RANBP3L: variants seen among roughly 807,000 people sequenced by gnomAD.
RANBP3L encodes the protein ran-binding protein 3-like.
A neutral mutation model predicts 67.2 loss-of-function variants in RANBP3L; 56 were observed. That is an observed-to-expected ratio of 0.83 (90% CI 0.67 to 1.04). The LOEUF (loss-of-function observed/expected upper bound fraction) is 1.04, where lower values mean the gene tolerates loss of function less well. Ranked by LOEUF, RANBP3L falls within the 50% of genes least tolerant of loss-of-function variation. The pLI, the probability that RANBP3L is intolerant of heterozygous loss-of-function variation, is 0.00. For synonymous variants in RANBP3L, 164 were observed against 181.4 expected (o/e 0.90, Z 0.77); for missense variants, 496 against 535.5 (o/e 0.93, Z 0.73).
At position 36,300,830 on chromosome 5, in the gene RANBP3L, C is replaced by T. The variant is rs117711939; in HGVS notation, c.91+496G>A. Among the ~76,000 whole-genome samples, 182 of 152,154 alleles carry T rather than the reference C, an allele frequency of 1.2e-3. 1 individual carries two copies. In the East Asian group the frequency reaches 0.031, roughly 26 times the overall value. On this transcript the variant is annotated intron_variant, in intron 1 of 13. Transcript: ENST00000296604. ...CAGCAAGTGAAATGTGACACTTTTC[C>T]CTGACTGTCTCCAGATGTCCCTGGA...
intron 1 of RANBP3L, among the ~76,000 whole-genome samples, chr5:36,272,470 C>T (rs992207354): frequency 6.6e-5 from 10 of 152,178 alleles, no homozygotes; most frequent in Non-Finnish European, 1.5e-4. Flanking sequence ...ACATATACAA[C>T]TTTTAAATGC....
At chr5:36,255,838 A>G (rs886775272) in intron 10 of RANBP3L, among the ~76,000 whole-genome samples, 1 of 152,008 alleles carries the variant, frequency 6.6e-6, no homozygotes, top group East Asian at 1.9e-4. Flanking sequence ...CCATCTACCA[A>G]TTTCCACCCC....
intron 1 of RANBP3L, among the ~76,000 whole-genome samples, chr5:36,287,812 T>C (rs753794006): frequency 6.6e-6 from 1 of 152,196 alleles, no homozygotes; most frequent in Non-Finnish European, 1.5e-5. Flanking sequence ...AAAATACCAC[T>C]ATTATTAAAG....
At chr5:36,265,977 CAA>C (rs10717173) in intron 4 of RANBP3L, among the ~76,000 whole-genome samples, 157 of 76,084 alleles carry the variant, frequency 2.1e-3, no homozygotes, top group Middle Eastern at 7.1e-3. Context: ...GACTCCATTT[CAA>C]AAAAAAAAAA....
intron 1 of RANBP3L, among the ~76,000 whole-genome samples, chr5:36,284,904 A>G (rs1751219513): frequency 6.6e-6 from 1 of 152,220 alleles, no homozygotes; most frequent in South Asian, 2.1e-4. Flanking sequence ...AAACAACTGA[A>G]CCACAAATTG....
rs980376610 is a variant in RANBP3L at position 36,265,502 on chromosome 5, A to C, written c.287T>G (p.Phe96Cys). The change falls in exon 5 of 14, where the codon TTT becomes TGT. Residue 96 changes from phenylalanine to cysteine, a missense_variant. Transcript: ENST00000296604. ...QSQGVRKNNV[F>C]MTSALVQSSV... ...ACTTTGCACAAGAGCTGATGTCATAAAAACATTGTTTTTCCTCACTGTAAG... is the reference window on the plus strand; with the variant it reads ...ACTTTGCACAAGAGCTGATGTCATACAAACATTGTTTTTCCTCACTGTAAG... 5 of 1,603,524 alleles carry C rather than the reference A, an allele frequency of 3.1e-6. No individual in the cohort carries two copies. The highest frequency in any genetic ancestry group is 4.3e-6 in the Non-Finnish European group (5 of 1,171,762).
chr5:36,293,729 C>G (rs997404334), intron 1 of RANBP3L, among the ~76,000 whole-genome samples: 5 of 149,058 alleles, frequency 3.4e-5, no homozygotes, highest in Non-Finnish European at 6.0e-5. Context: ...ATTGAACCAG[C>G]CTTGCATCCC....
intron 4 of RANBP3L, among the ~76,000 whole-genome samples, chr5:36,267,335 C>G (rs529387108): frequency 6.6e-6 from 1 of 151,998 alleles, no homozygotes; most frequent in Admixed American, 6.6e-5. Context: ...GGTGAAACCC[C>G]ATCTCTACTA....
intron 1 of RANBP3L, among the ~76,000 whole-genome samples, chr5:36,278,614 G>A (rs1366376165): frequency 6.6e-6 from 1 of 152,134 alleles, no homozygotes; most frequent in African/African-American, 2.4e-5. Context: ...CCTGTGGGAT[G>A]TTCTGAGTAA....
At chr5:36,252,053 A>G (rs1748632961) in intron 12 of RANBP3L, among the ~76,000 whole-genome samples, 1 of 152,172 alleles carries the variant, frequency 6.6e-6, no homozygotes, top group East Asian at 1.9e-4. Context: ...TTGGCATAAC[A>G]TTTACTGTTA....
chr5:36,263,448 C>G (rs1010825904), intron 6 of RANBP3L, among the ~76,000 whole-genome samples: 4 of 152,092 alleles, frequency 2.6e-5, no homozygotes, highest in African/African-American at 9.7e-5. Context: ...AAATCTTGCT[C>G]TATATTTATA....
chr5:36,297,801 G>A (rs1354476642), intron 1 of RANBP3L, among the ~76,000 whole-genome samples: 2 of 152,170 alleles, frequency 1.3e-5, no homozygotes, highest in Admixed American at 6.5e-5. Flanking sequence ...TAAACTCCAC[G>A]TGGACAGAAA....
At chr5:36,289,979 G>A (rs1751600590) in intron 1 of RANBP3L, among the ~76,000 whole-genome samples, 1 of 152,166 alleles carries the variant, frequency 6.6e-6, no homozygotes, top group Non-Finnish European at 1.5e-5. Flanking sequence ...AGAGGAAAAT[G>A]TGCAATCTTC....
chr5:36,287,479 T>C (rs989665112), intron 1 of RANBP3L, among the ~76,000 whole-genome samples: 7 of 152,266 alleles, frequency 4.6e-5, no homozygotes, highest in East Asian at 1.9e-4. Flanking sequence ...GCAAACAAGA[T>C]GAAGTAGAGA....
chr5:36,280,604 G>A (rs1449087384), intron 1 of RANBP3L, among the ~76,000 whole-genome samples: 1 of 152,114 alleles, frequency 6.6e-6, no homozygotes, highest in Non-Finnish European at 1.5e-5. Flanking sequence ...TGAAGAAACT[G>A]AATTTATATA....
At chr5:36,294,323 T>C (rs1338465513) in intron 1 of RANBP3L, among the ~76,000 whole-genome samples, 2 of 152,064 alleles carry the variant, frequency 1.3e-5, no homozygotes, top group Admixed American at 6.6e-5. Flanking sequence ...TAGCGGTGTA[T>C]CAATTTTGTT....
chr5:36,261,887 T>C (rs1279323433), intron 7 of RANBP3L, 52 bp downstream of exon 7: 11 of 862,156 alleles, frequency 1.3e-5, no homozygotes, highest in African/African-American at 5.1e-5. Flanking sequence ...GTTATAATAA[T>C]GAAAGAATGC....
At chr5:36,250,796 T>C (rs1748536395) in intron 13 of RANBP3L, among the ~76,000 whole-genome samples, 1 of 152,128 alleles carries the variant, frequency 6.6e-6, no homozygotes, top group South Asian at 2.1e-4. Context: ...TCAACCTTAC[T>C]TTATTTGTGA....
At chr5:36,293,871 T>C (rs1473499806) in intron 1 of RANBP3L, among the ~76,000 whole-genome samples, 1 of 145,844 alleles carries the variant, frequency 6.9e-6, no homozygotes, top group South Asian at 2.3e-4. Context: ...TCTTTTTTGG[T>C]TGTGTCTCTG....
Sources: gnomAD v4.1 joint callset for allele counts (sites outside exome capture counted in the v4.1 genomes callset) on GRCh38, gnomAD v4.1.1 for gene constraint, MANE v1.5 for transcripts, NCBI Gene and HGNC (gene_info 2026-07-23, HGNC 2026-07-21) for gene names.